TM9SF3: variants seen among roughly 807,000 people sequenced by gnomAD.
The protein encoded by TM9SF3 is transmembrane 9 superfamily member 3, also known as SM-11044-binding protein.
Under a neutral mutation model 78.6 loss-of-function variants are expected in TM9SF3, and 14 were observed. That is an observed-to-expected ratio of 0.18 (90% confidence interval 0.12 to 0.28). The LOEUF is 0.28. TM9SF3 is among the 10% of genes least tolerant of loss of function. The probability of loss-of-function intolerance (pLI) is 1.00; values close to 1 mark genes in which losing one functional copy is unlikely to be tolerated. For missense variants in TM9SF3, 496 were observed against 721.9 expected, an observed-to-expected ratio of 0.69 and a Z score of 3.59; for synonymous variants, 231 against 241.7, an observed-to-expected ratio of 0.96 and a Z score of 0.41.
At chr10:96,539,426 A>T (rs1405606993) in intron 9 of TM9SF3, among the ~76,000 whole-genome samples, 1 of 152,248 alleles carries the variant, frequency 6.6e-6, no homozygotes, top group Non-Finnish European at 1.5e-5. Context: ...AACAAAAAAG[A>T]ATATATACTG....
intron 1 of TM9SF3, among the ~76,000 whole-genome samples, chr10:96,582,912 C>G (rs779235504): frequency 4.6e-5 from 7 of 151,566 alleles, no homozygotes; most frequent in Admixed American, 2.6e-4. Context: ...AACCCTGTCT[C>G]AACTAAAAAA....
Position 96,586,730 on chromosome 10 carries a change from T to G in TM9SF3, c.102+4A>C. 8.1e-7 allele frequency: 1 copy of G among 1,231,758 alleles called. No individual in the cohort carries two copies. The highest frequency in any genetic ancestry group is 1.0e-6 in the Non-Finnish European group (1 of 988,278). The allele number at this position is 1,231,758 out of a possible 1,614,324, so 76.3% of individuals were successfully genotyped here. ...GGGCGGCCGCGCCGGCCGGGGCGCC[T>G]CACCGTGTGTTCGTGCTCGTCCGCC... On this transcript the variant is annotated splice_donor_region_variant and intron_variant, in intron 1 of 14. Transcript: ENST00000371142.
intron 5 of TM9SF3, among the ~76,000 whole-genome samples, chr10:96,557,528 C>T (rs1326021156): frequency 2.0e-5 from 3 of 152,128 alleles, no homozygotes; most frequent in Non-Finnish European, 4.4e-5. Context: ...TTTGTTACCC[C>T]CCTGCTGAAA....
At chr10:96,568,650 A>G (rs1639790265) in intron 2 of TM9SF3, among the ~76,000 whole-genome samples, 1 of 152,164 alleles carries the variant, frequency 6.6e-6, no homozygotes, top group South Asian at 2.1e-4. Flanking sequence ...TTCTCTTTTG[A>G]TAACATTACA....
At chr10:96,583,785 G>A (rs181520848) in intron 1 of TM9SF3, among the ~76,000 whole-genome samples, 20 of 152,294 alleles carry the variant, frequency 1.3e-4, no homozygotes, top group African/African-American at 3.4e-4. Flanking sequence ...TGTAATCCCA[G>A]CACTTTGGGA....
At chr10:96,581,940 C>T (rs1165985616) in intron 1 of TM9SF3, among the ~76,000 whole-genome samples, 1 of 152,110 alleles carries the variant, frequency 6.6e-6, no homozygotes, top group Admixed American at 6.5e-5. Context: ...ACCCCCAAAT[C>T]AAAACAGAAG....
rs759982005 is a variant in TM9SF3 at position 96,559,647 on chromosome 10, C to T, written c.660+12G>A. On this transcript the variant is annotated intron_variant, in intron 5 of 14. Transcript: ENST00000371142. ...CACATAATCAATGTCTTAAAATACA[C>T]TATTTACCTACCCGATGTTGAAAAA... is the stretch of plus-strand genomic sequence containing the variant. 2.5e-6 allele frequency: 4 copies of T among 1,569,034 alleles called. No individual in the cohort carries two copies. Among genetic ancestry groups the T allele is most frequent in the African/African-American group, 1.4e-5 (1 of 73,884 alleles).
chr10:96,556,036 T>C (rs919148913), intron 5 of TM9SF3, among the ~76,000 whole-genome samples: 1 of 152,232 alleles, frequency 6.6e-6, no homozygotes, highest in African/African-American at 2.4e-5. Flanking sequence ...TACACTATTA[T>C]AATGTAGTAA....
At chr10:96,559,436 C>T (rs2134149015) in intron 5 of TM9SF3, among the ~76,000 whole-genome samples, 1 of 149,770 alleles carries the variant, frequency 6.7e-6, no homozygotes, top group Non-Finnish European at 1.5e-5. Context: ...CTTCGTTTAT[C>T]TCTTAATTGG....
At chr10:96,553,841 C>T (rs1848203672) in intron 5 of TM9SF3, among the ~76,000 whole-genome samples, 1 of 152,200 alleles carries the variant, frequency 6.6e-6, no homozygotes, top group Non-Finnish European at 1.5e-5. Context: ...CAAAATGTAG[C>T]ATATCTGATT....
chr10:96,550,968 T>C (rs755294379), intron 7 of TM9SF3, among the ~76,000 whole-genome samples: 3 of 152,226 alleles, frequency 2.0e-5, no homozygotes, highest in Non-Finnish European at 2.9e-5. Flanking sequence ...CAAACAGCTC[T>C]GGATTGAAAG....
At chr10:96,580,545 C>T (rs757809134) in intron 1 of TM9SF3, among the ~76,000 whole-genome samples, 3 of 152,122 alleles carry the variant, frequency 2.0e-5, no homozygotes, top group Non-Finnish European at 4.4e-5. Context: ...GGATTACAGG[C>T]GTGAGCCACT....
intron 10 of TM9SF3, 83 bp downstream of exon 10, chr10:96,532,968 A>G: frequency 1.3e-6 from 2 of 1,500,444 alleles, no homozygotes; most frequent in South Asian, 2.5e-5. Context: ...ATACATACCA[A>G]TTCTAAAGTT....
At chr10:96,524,114 T>C (rs1005531927) in intron 14 of TM9SF3, among the ~76,000 whole-genome samples, 2 of 151,814 alleles carry the variant, frequency 1.3e-5, no homozygotes, top group African/African-American at 4.8e-5. Flanking sequence ...TGGGTGTTAG[T>C]ACATGGGGAC....
chr10:96,557,129 A>G (rs910597244), intron 5 of TM9SF3, among the ~76,000 whole-genome samples: 4 of 152,134 alleles, frequency 2.6e-5, no homozygotes, highest in African/African-American at 9.7e-5. Flanking sequence ...CATAGCCACA[A>G]ATATGATCTA....
intron 8 of TM9SF3, among the ~76,000 whole-genome samples, chr10:96,545,338 T>C (rs1428478462): frequency 6.6e-6 from 1 of 152,194 alleles, no homozygotes; most frequent in Non-Finnish European, 1.5e-5. Flanking sequence ...TAAAGTTCTT[T>C]TAAAACATCT....
At chr10:96,548,112 A>T (rs1427918364) in intron 7 of TM9SF3, 123 bp from the exon 8 acceptor site, 31 of 590,676 alleles carry the variant, frequency 5.2e-5, no homozygotes, top group Non-Finnish European at 1.1e-5. Flanking sequence ...AAATATCACA[A>T]CCTGGACTAC....
intron 5 of TM9SF3, among the ~76,000 whole-genome samples, chr10:96,553,567 T>C (rs1848200264): frequency 6.6e-6 from 1 of 151,804 alleles, no homozygotes; most frequent in South Asian, 2.1e-4. Context: ...TCTGAAAACC[T>C]CCTTAAAATA....
At chr10:96,569,967 A>G (rs2134156012) in intron 2 of TM9SF3, among the ~76,000 whole-genome samples, 1 of 152,278 alleles carries the variant, frequency 6.6e-6, no homozygotes, top group East Asian at 1.9e-4. Context: ...GCAGTGAGCC[A>G]AGATCACACC....
Sources: allele counts gnomAD v4.1 joint callset (sites outside exome capture counted in the v4.1 genomes callset), GRCh38; gene constraint gnomAD v4.1.1; transcripts MANE v1.5; gene names NCBI Gene and HGNC (gene_info 2026-07-23, HGNC 2026-07-21).